The following TRHDE variants were observed in gnomAD, a reference collection of about 807,000 sequenced individuals.
TRHDE encodes thyrotropin releasing hormone degrading enzyme, also known as thyrotropin-releasing hormone-degrading ectoenzyme.
In TRHDE, 72 loss-of-function variants were observed where a neutral mutation model predicts 125.7. The ratio of observed to expected loss-of-function variants is 0.57; its 90% CI spans 0.47 to 0.70. The LOEUF (loss-of-function observed/expected upper bound fraction) is 0.70, where lower values mean the gene tolerates loss of function less well. TRHDE is among the 30% of genes least tolerant of loss of function. The probability of loss-of-function intolerance (pLI) is 0.00; values close to 1 mark genes in which losing one functional copy is unlikely to be tolerated. For missense variants in TRHDE, 1,110 were observed against 1,327.1 expected, an observed-to-expected ratio of 0.84 and a Z score of 2.54; for synonymous variants, 509 against 509.1, an observed-to-expected ratio of 1.00 and a Z score of 0.00.
At chr12:72,242,314 G>C (rs1021157378) in intron 2 of TRHDE, among the ~76,000 whole-genome samples, 12 of 151,884 alleles carry the variant, frequency 7.9e-5, no homozygotes, top group Admixed American at 7.2e-4. Flanking sequence ...TTCCCTTTTT[G>C]CGGTTGGAAA....
intron 2 of TRHDE, among the ~76,000 whole-genome samples, chr12:72,114,975 A>G (rs188523143): frequency 6.6e-6 from 1 of 152,230 alleles, no homozygotes; most frequent in East Asian, 1.9e-4. Flanking sequence ...GTGGGTATAT[A>G]GCAGGTACAT....
chr12:72,141,061 T>A (rs1876100524), intron 2 of TRHDE, among the ~76,000 whole-genome samples: 1 of 152,124 alleles, frequency 6.6e-6, no homozygotes, highest in African/African-American at 2.4e-5. Flanking sequence ...AAATGATTTT[T>A]AAAAAAGTAT....
At chr12:72,624,193 G>A (rs1592579430) in intron 15 of TRHDE, among the ~76,000 whole-genome samples, 1 of 151,956 alleles carries the variant, frequency 6.6e-6, no homozygotes, top group Middle Eastern at 3.4e-3. Context: ...AAACAATAAT[G>A]CAATCCTGTA....
intron 2 of TRHDE, among the ~76,000 whole-genome samples, chr12:72,370,499 C>T (rs1438741687): frequency 6.6e-6 from 1 of 152,078 alleles, no homozygotes; most frequent in African/African-American, 2.4e-5. Flanking sequence ...TTTTGCAATT[C>T]GGTTTACAGA....
intron 3 of TRHDE, among the ~76,000 whole-genome samples, chr12:72,462,673 C>T (rs1876181427): frequency 6.6e-6 from 1 of 152,144 alleles, no homozygotes; most frequent in African/African-American, 2.4e-5. Context: ...TGATGTTTCG[C>T]TTAGATACTA....
At chr12:72,525,632 TGTGAGA>T (rs1305052531) in intron 6 of TRHDE, among the ~76,000 whole-genome samples, 222 of 147,034 alleles carry the variant, frequency 1.5e-3, no homozygotes, top group Non-Finnish European at 2.2e-3. Flanking sequence ...TGTGTGTGTG[TGTGAGA>T]GAGAGAGAGA....
chr12:72,421,250 C>A (rs1281861046), intron 3 of TRHDE, among the ~76,000 whole-genome samples: 1 of 152,178 alleles, frequency 6.6e-6, no homozygotes, highest in Non-Finnish European at 1.5e-5. Context: ...CTGCTCCACA[C>A]TGTCTAAGGC....
At chr12:72,579,323 G>T (rs1871139488) in intron 12 of TRHDE, among the ~76,000 whole-genome samples, 1 of 152,044 alleles carries the variant, frequency 6.6e-6, no homozygotes, top group Non-Finnish European at 1.5e-5. Context: ...AGTGGCAAAA[G>T]TGATTTTATA....
At chr12:72,110,393 C>G (rs567260013) in intron 2 of TRHDE, among the ~76,000 whole-genome samples, 2 of 151,942 alleles carry the variant, frequency 1.3e-5, no homozygotes, top group Non-Finnish European at 2.9e-5. Flanking sequence ...GTGGATTGAA[C>G]CTGCTCAGGT....
At chr12:72,466,789 A>C (rs1338877722) in intron 3 of TRHDE, among the ~76,000 whole-genome samples, 1 of 152,170 alleles carries the variant, frequency 6.6e-6, no homozygotes, top group East Asian at 1.9e-4. Flanking sequence ...TGACTACCTT[A>C]GAGAGGGCTG....
At chr12:72,581,111 C>G (rs750719398) in intron 12 of TRHDE, among the ~76,000 whole-genome samples, 57 of 152,056 alleles carry the variant, frequency 3.7e-4, no homozygotes, top group Non-Finnish European at 5.9e-4. Context: ...AGCAGCAATG[C>G]CTCATGGCAC....
rs562518122 is a variant in TRHDE at position 72,389,171 on chromosome 12, C to A, written c.1315+11050C>A. 8.5e-4 allele frequency among the ~76,000 whole-genome samples: 129 copies of A among 152,178 alleles called. 1 individual carries two copies. The highest frequency in any genetic ancestry group is 3.4e-3 in the Middle Eastern group (1 of 294). The stretch of plus-strand genomic sequence containing the variant: ...AATGTTGCTGGGTGGAGAGGGATTG[C>A]AGTTTTAAACAGGTGGGTGATCAGA... On this transcript the variant is annotated intron_variant, in intron 3 of 18. Coordinates refer to ENST00000261180, the MANE Select transcript of TRHDE (RefSeq NM_013381.3).
At chr12:72,358,200 G>A (rs1288928110) in intron 2 of TRHDE, among the ~76,000 whole-genome samples, 1 of 151,396 alleles carries the variant, frequency 6.6e-6, no homozygotes. Flanking sequence ...GAATACAGTT[G>A]ACTCTTGAAC....
chr12:72,293,735 C>T (rs1026521544), intron 2 of TRHDE, among the ~76,000 whole-genome samples: 4 of 152,212 alleles, frequency 2.6e-5, no homozygotes, highest in Non-Finnish European at 4.4e-5. Context: ...TTTGGGGTGT[C>T]GTTTTTCTGG....
chr12:72,224,598 A>T (rs1878086086), intron 2 of TRHDE, among the ~76,000 whole-genome samples: 1 of 152,104 alleles, frequency 6.6e-6, no homozygotes, highest in African/African-American at 2.4e-5. Context: ...TAAGTTCTGC[A>T]TCCTTATGAA....
chr12:72,596,860 A>G (rs1263591779), intron 12 of TRHDE, among the ~76,000 whole-genome samples: 1 of 152,254 alleles, frequency 6.6e-6, no homozygotes, highest in Non-Finnish European at 1.5e-5. Context: ...AAAAATCAGC[A>G]TGAAAAAGAT....
At position 72,666,051 on chromosome 12, in the gene TRHDE, G is replaced by A. The variant is rs1448816445; in HGVS notation, c.*2856G>A. ...TCATAGGACTAAGATTTTTGTGATA[G>A]TATTATTTACAAATATTATAAGTAT... On this transcript the variant is annotated 3_prime_UTR_variant, in exon 19 of 19. Coordinates refer to ENST00000261180, the MANE Select transcript of TRHDE (RefSeq NM_013381.3). 1 of 151,848 alleles carries A rather than the reference G, an allele frequency of 6.6e-6. No homozygotes were observed. The highest frequency in any genetic ancestry group is 2.4e-5 in the African/African-American group (1 of 41,298). The allele number at this position is 151,848 out of a possible 1,614,324, so 9.4% of individuals were successfully genotyped here. A position where few individuals can be genotyped will look rare whatever the true frequency, so the allele number is the denominator to read the frequency against.
Position 72,619,045 on chromosome 12 carries a change from A to C in TRHDE, c.2469+7A>C. 6.5e-7 allele frequency: 1 copy of C among 1,539,474 alleles called. No individual in the cohort carries two copies. Among genetic ancestry groups the C allele is most frequent in the Non-Finnish European group, 8.7e-7 (1 of 1,146,408 alleles). ...AAACTACAACATTTTCAATGTAAAAAGATATAATTTTTCTTTCTAATTTTT... is the reference window on the plus strand; with the variant it reads ...AAACTACAACATTTTCAATGTAAAACGATATAATTTTTCTTTCTAATTTTT... On this transcript the variant is annotated splice_region_variant and intron_variant, in intron 13 of 18. Transcript: ENST00000261180.
intron 15 of TRHDE, among the ~76,000 whole-genome samples, chr12:72,639,371 C>T (rs1358193245): frequency 6.6e-6 from 1 of 151,068 alleles, no homozygotes; most frequent in Non-Finnish European, 1.5e-5. Context: ...CCTTTAAGCA[C>T]TTCTCTGTAT....
Sources: gnomAD v4.1 joint callset for allele counts (sites outside exome capture counted in the v4.1 genomes callset) on GRCh38, gnomAD v4.1.1 for gene constraint, MANE v1.5 for transcripts, NCBI Gene and HGNC (gene_info 2026-07-23, HGNC 2026-07-21) for gene names.